Variants in PKIB observed in about 807,000 individuals in gnomAD.
PKIB encodes the protein PKI-beta.
Under a neutral mutation model 4.5 loss-of-function variants are expected in PKIB, and 2 were observed. That is an observed-to-expected ratio of 0.44 (90% CI 0.18 to 1.39). The LOEUF (loss-of-function observed/expected upper bound fraction) is 1.39, where lower values mean the gene tolerates loss of function less well. PKIB is among the 40% of genes most tolerant of loss of function. The probability of loss-of-function intolerance (pLI) is 0.27; values close to 1 mark genes in which losing one functional copy is unlikely to be tolerated. For missense variants in PKIB, 94 were observed against 92.6 expected (o/e 1.02, Z -0.06); for synonymous variants, 38 against 36.0 (o/e 1.06, Z -0.20).
chr6:122,661,670 T>G (rs1776996421), intron 2 of PKIB, among the ~76,000 whole-genome samples: 1 of 152,214 alleles, frequency 6.6e-6, no homozygotes, highest in African/African-American at 2.4e-5. Flanking sequence ...CCTGTAGAAG[T>G]TCTCTGTGGA....
intron 2 of PKIB, among the ~76,000 whole-genome samples, chr6:122,666,961 T>TG (rs137884037): frequency 0.25 from 38,270 of 151,544 alleles, 5,318 homozygotes; most frequent in East Asian, 0.37. Context: ...TTTTTTTTTT[T>TG]ATGGCTTTTG....
At chr6:122,663,131 A>T (rs1175370464) in intron 2 of PKIB, among the ~76,000 whole-genome samples, 1 of 152,168 alleles carries the variant, frequency 6.6e-6, no homozygotes, top group African/African-American at 2.4e-5. Flanking sequence ...GTTAATACCC[A>T]CAGATCATGA....
chr6:122,713,871 C>T (rs1022014623), intron 3 of PKIB, among the ~76,000 whole-genome samples: 3 of 152,176 alleles, frequency 2.0e-5, no homozygotes, highest in Non-Finnish European at 2.9e-5. Context: ...GTTGAGGTTA[C>T]ATTGCATTCA....
At chr6:122,607,176 C>T (rs1412501945), upstream of PKIB, among the ~76,000 whole-genome samples, 2 of 151,872 alleles carry the variant, frequency 1.3e-5, no homozygotes, top group African/African-American at 4.8e-5. Context: ...ACAGGGCCTT[C>T]TTAAAAGTAG....
At chr6:122,576,398 G>A (rs184071743) in intron 2 of PKIB, among the ~76,000 whole-genome samples, 224 of 151,822 alleles carry the variant, frequency 1.5e-3, no homozygotes, top group Middle Eastern at 6.8e-3. Flanking sequence ...GCTGGGCGCG[G>A]TGGCTCACGC....
chr6:122,530,028 C>A (rs1402944159), intron 2 of PKIB, among the ~76,000 whole-genome samples: 2 of 151,720 alleles, frequency 1.3e-5, no homozygotes, highest in African/African-American at 4.8e-5. Flanking sequence ...GCTCTCTCCC[C>A]CTTCTTTCTC....
intron 2 of PKIB, among the ~76,000 whole-genome samples, chr6:122,502,035 C>A (rs1289100945): frequency 6.6e-6 from 1 of 151,310 alleles, no homozygotes; most frequent in South Asian, 2.1e-4. Flanking sequence ...TCATTGCAAC[C>A]TCTGCCTCCC....
intron 1 of PKIB, among the ~76,000 whole-genome samples, chr6:122,474,148 A>G (rs1479464940): frequency 6.6e-6 from 1 of 152,184 alleles, no homozygotes; most frequent in African/African-American, 2.4e-5. Context: ...CAAACAAACA[A>G]ACAAAAAAGC....
At chr6:122,597,553 C>T (rs1410769764) in intron 3 of PKIB, among the ~76,000 whole-genome samples, 1 of 152,236 alleles carries the variant, frequency 6.6e-6, no homozygotes, top group African/African-American at 2.4e-5. Flanking sequence ...CATCTGTCTT[C>T]TGCACAGGCC....
chr6:122,712,015 T>G (rs2115056638), intron 3 of PKIB, among the ~76,000 whole-genome samples: 1 of 152,266 alleles, frequency 6.6e-6, no homozygotes, highest in Middle Eastern at 3.4e-3. Flanking sequence ...TTTGAAAAAT[T>G]TCAAAGACAG....
In PKIB at chr6:122,549,909, C is replaced by CAT. The variant is rs35702783; in HGVS notation, c.-247-36000_-247-35999dup. 8.8e-3 allele frequency among the ~76,000 whole-genome samples: 1,310 copies of CAT among 148,268 alleles called. 4 individuals carry two copies. Among genetic ancestry groups the CAT allele is most frequent in the East Asian group, 0.021 (105 of 5,072 alleles). ...TTATATATACACACACACACACACA[C>CAT]ATATATATATATACACATTTTTTGA... On this transcript the variant is annotated intron_variant, in intron 2 of 6. Transcript: ENST00000392491.
In PKIB at chr6:122,540,889, G is replaced by A. The variant is rs200508064; in HGVS notation, c.-247-45032G>A. ...CCTGTATTGGGTGCATATATATTTA[G>A]GATAGTTAGCTCTTCTTGTTGAATT... On this transcript the variant is annotated intron_variant, in intron 2 of 6. Coordinates refer to the PKIB transcript ENST00000392491. Among the ~76,000 whole-genome samples the A allele has an allele frequency of 3.1e-3, 472 of 150,962 alleles. 13 individuals are homozygous for A. The East Asian group carries it at 0.077, about 25-fold the overall frequency.
rs76228784 is a variant in PKIB, at chr6:122,698,149, T to C, written c.-8-19638T>C. Among the ~76,000 whole-genome samples the C allele has an allele frequency of 8.4e-3, 1,277 of 152,246 alleles. 23 individuals carry two copies. Among genetic ancestry groups the C allele is most frequent in the African/African-American group, 0.029 (1,220 of 41,552 alleles). On this transcript the variant is annotated intron_variant, in intron 3 of 4. Transcript: ENST00000368452. ...TAAGAGCAACAACTCTCTACTGAGC[T>C]CTATCATGTATAATTGTGGCAACAT...
At chr6:122,475,244 C>T (rs1199159988) in intron 1 of PKIB, among the ~76,000 whole-genome samples, 1 of 152,142 alleles carries the variant, frequency 6.6e-6, no homozygotes, top group Non-Finnish European at 1.5e-5. Context: ...ACGCCTGGCC[C>T]ATTGAATTTT....
At chr6:122,495,102 C>T (rs1776039469) in intron 2 of PKIB, among the ~76,000 whole-genome samples, 1 of 152,208 alleles carries the variant, frequency 6.6e-6, no homozygotes, top group Non-Finnish European at 1.5e-5. Context: ...CTTGGGCTCC[C>T]AGCACAGTGG....
intron 3 of PKIB, among the ~76,000 whole-genome samples, chr6:122,697,386 T>A (rs1308184908): frequency 1.3e-5 from 2 of 151,898 alleles, no homozygotes; most frequent in Non-Finnish European, 2.9e-5. Flanking sequence ...TGACATCAGT[T>A]TAAATCTTGA....
At chr6:122,679,478 G>A (rs1025178468) in intron 3 of PKIB, among the ~76,000 whole-genome samples, 2 of 152,166 alleles carry the variant, frequency 1.3e-5, no homozygotes, top group Non-Finnish European at 1.5e-5. Flanking sequence ...GGCAAAAACC[G>A]AGGCAGGAAA....
At position 122,702,214 on chromosome 6, in the gene PKIB, GAATATAA is replaced by G. The variant is rs1191068461; in HGVS notation, c.-8-15572_-8-15566del. Among the ~76,000 whole-genome samples the G allele has an allele frequency of 1.6e-3, 250 of 151,626 alleles. 2 individuals carry two copies. The highest frequency in any genetic ancestry group is 5.8e-3 in the African/African-American group (238 of 41,356). ...GTAATCCGAACAAAAGTCATGCTGA[GAATATAA>G]GGCTACCAATCTGGTATTGCCCCAG... On this transcript the variant is annotated intron_variant, in intron 3 of 4. Coordinates refer to ENST00000368452, the MANE Select transcript of PKIB (RefSeq NM_181795.3).
intron 2 of PKIB, among the ~76,000 whole-genome samples, chr6:122,525,574 G>T (rs560981155): frequency 1.3e-5 from 2 of 152,150 alleles, no homozygotes; most frequent in Admixed American, 6.5e-5. Flanking sequence ...CAGATGTTTT[G>T]GTTTCACAGC....
Sources: allele counts gnomAD v4.1 joint callset (sites outside exome capture counted in the v4.1 genomes callset), GRCh38; gene constraint gnomAD v4.1.1; transcripts MANE v1.5; gene names NCBI Gene and HGNC (gene_info 2026-07-23, HGNC 2026-07-21).